The following LPA variants were observed in gnomAD, a reference collection of about 807,000 sequenced individuals.
LPA encodes lipoprotein(a), also known as apolipoprotein(a).
A neutral mutation model predicts 197.9 loss-of-function variants in LPA; 199 were observed. The observed-to-expected ratio is 1.01, with a 90% CI of 0.90 to 1.13. The LOEUF (loss-of-function observed/expected upper bound fraction) is 1.13, where lower values mean the gene tolerates loss of function less well. Ranked by LOEUF, LPA falls within the 50% of genes most tolerant of loss-of-function variation. LPA has a pLI of 0.00. For missense variants in LPA, 1,853 were observed against 1,785.8 expected (o/e 1.04, Z -0.68); for synonymous variants, 715 against 639.5 (o/e 1.12, Z -1.78).
At chr6:160,654,050 A>AATATATTATATATATTATATATAAT (rs1780078077) in intron 1 of LPA, among the ~76,000 whole-genome samples, 2 of 8,358 alleles carry the variant, frequency 2.4e-4, no homozygotes, top group East Asian at 2.9e-3. Flanking sequence ...TATAATATAT[A>AATATATTATATATATTATATATAAT]ATATATTATA....
intron 30 of LPA, 138 bp from the exon 31 acceptor site, chr6:160,548,797 A>G: frequency 1.2e-6 from 1 of 850,898 alleles, no homozygotes; most frequent in South Asian, 1.4e-5. Flanking sequence ...TACAATTGCC[A>G]CAACACAAAT....
chr6:160,555,477 A>G (rs1162409758), intron 30 of LPA, among the ~76,000 whole-genome samples: 24 of 128,784 alleles, frequency 1.9e-4, no homozygotes, highest in African/African-American at 1.7e-4. Context: ...ATATATATGT[A>G]TATATATATG....
At chr6:160,589,204 G>T (rs925794307) in intron 24 of LPA, among the ~76,000 whole-genome samples, 2 of 152,244 alleles carry the variant, frequency 1.3e-5, no homozygotes, top group Admixed American at 1.3e-4. Context: ...AGGGCTTGGA[G>T]ATTAGAATGA....
At chr6:160,540,911 C>T (rs1777971597) in intron 35 of LPA, among the ~76,000 whole-genome samples, 196 bp downstream of exon 35, 1 of 152,150 alleles carries the variant, frequency 6.6e-6, no homozygotes, top group Non-Finnish European at 1.5e-5. Flanking sequence ...CACTTCCCTC[C>T]TCTCTCATCC....
intron 28 of LPA, among the ~76,000 whole-genome samples, chr6:160,560,664 G>T (rs1396592314): frequency 6.6e-6 from 1 of 151,472 alleles, no homozygotes; most frequent in African/African-American, 2.4e-5. Context: ...ATTTGTTTAA[G>T]TTGCTTGTAC....
chr6:160,552,311 C>T (rs760949945), intron 30 of LPA, among the ~76,000 whole-genome samples: 1 of 152,112 alleles, frequency 6.6e-6, no homozygotes, highest in African/African-American at 2.4e-5. Flanking sequence ...TGCAATAGTG[C>T]TTGGGTGTGG....
chr6:160,556,769 C>T (rs1778271986), intron 29 of LPA, among the ~76,000 whole-genome samples: 1 of 152,098 alleles, frequency 6.6e-6, no homozygotes, highest in Admixed American at 6.5e-5. Flanking sequence ...TGCAACAAAG[C>T]AGAAGTCTAC....
At chr6:160,554,543 T>G (rs182882624) in intron 30 of LPA, among the ~76,000 whole-genome samples, 107 of 152,220 alleles carry the variant, frequency 7.0e-4, no homozygotes, top group Non-Finnish European at 5.9e-4. Flanking sequence ...AAGTATGACT[T>G]TTCTGGGGTC....
chr6:160,549,386 G>A (rs953725568), intron 30 of LPA, among the ~76,000 whole-genome samples: 1 of 152,172 alleles, frequency 6.6e-6, no homozygotes, highest in African/African-American at 2.4e-5. Context: ...ACCGGTATAC[G>A]GATTTTGATG....
At chr6:160,603,776 G>A (rs1002561441) in intron 18 of LPA, among the ~76,000 whole-genome samples, 2 of 152,204 alleles carry the variant, frequency 1.3e-5, no homozygotes, top group Non-Finnish European at 2.9e-5. Context: ...AATTGACTTG[G>A]AAATGATTTT....
chr6:160,557,529 T>C lies in LPA; in HGVS notation c.4674A>G (p.Lys1558=). The C allele has an allele frequency of 6.2e-7, 1 of 1,614,106 alleles. No homozygotes were observed. Among genetic ancestry groups the C allele is most frequent in the Non-Finnish European group, 8.5e-7 (1 of 1,180,016 alleles). ...GATCGGTTGTGTAACACCAGGGTTG[T>C]TTCCCAGAATCTGGATTCCTGCAGT... ...ENYCRNPDSG[K]QPWCYTTDPC... The change falls in exon 29 of 39, where the codon AAA becomes AAG. Residue 1558 remains lysine (K), a synonymous_variant. Coordinates refer to ENST00000316300, the MANE Select transcript of LPA (RefSeq NM_005577.4).
chr6:160,575,426 T>A (rs1475297329), intron 28 of LPA, among the ~76,000 whole-genome samples: 1 of 152,238 alleles, frequency 6.6e-6, no homozygotes, highest in Admixed American at 6.5e-5. Context: ...TAGTAAATTT[T>A]TAAATTTATG....
chr6:160,579,522 A>G (rs1014690156), intron 26 of LPA, among the ~76,000 whole-genome samples: 3 of 152,200 alleles, frequency 2.0e-5, no homozygotes, highest in Non-Finnish European at 4.4e-5. Flanking sequence ...GGCTAGGTAG[A>G]CTATGGGATC....
chr6:160,660,677 C>T (rs985004191), intron 1 of LPA, among the ~76,000 whole-genome samples: 5 of 152,038 alleles, frequency 3.3e-5, no homozygotes. Context: ...AATGGTCCCT[C>T]CTTTAGTTAC....
intron 24 of LPA, among the ~76,000 whole-genome samples, chr6:160,587,751 TTGTGTGTGTG>T (rs67979615): frequency 8.3e-4 from 104 of 125,464 alleles, no homozygotes; most frequent in Admixed American, 2.0e-3. Context: ...GGTTCAGTCT[TTGTGTGTGTG>T]TGTGTGTGTG....
intron 16 of LPA, among the ~76,000 whole-genome samples, chr6:160,610,743 G>A (rs181617592): frequency 1.2e-3 from 184 of 152,238 alleles, no homozygotes; most frequent in African/African-American, 4.3e-3. Flanking sequence ...GATGGCTACA[G>A]GCTGCTTGAG....
chr6:160,557,971 G>A (rs978221718), intron 28 of LPA, among the ~76,000 whole-genome samples: 1 of 151,334 alleles, frequency 6.6e-6, no homozygotes, highest in South Asian at 2.1e-4. Flanking sequence ...CCAGACTGGA[G>A]TGCAGTGGCG....
chr6:160,605,479 G>T (rs1484897325), intron 17 of LPA, among the ~76,000 whole-genome samples: 1 of 152,146 alleles, frequency 6.6e-6, no homozygotes, highest in Non-Finnish European at 1.5e-5. Flanking sequence ...AGAAAAAAAG[G>T]ACAAATGAGA....
At position 160,578,711 on chromosome 6, in the gene LPA, A is replaced by G. The variant is rs753560847; in HGVS notation, c.4290-7T>C. On this transcript the variant is annotated splice_region_variant and splice_polypyrimidine_tract_variant and intron_variant, in intron 26 of 38. Coordinates refer to ENST00000316300, the MANE Select transcript of LPA (RefSeq NM_005577.4). ...GTAGTTCCTGGTCAGGCCACTGCAA[A>G]TTTCAAAACAACACAGGTCACCAGA... The G allele has an allele frequency of 6.2e-7, 1 of 1,613,714 alleles. No individual in the cohort carries two copies. Among genetic ancestry groups the G allele is most frequent in the South Asian group, 1.1e-5 (1 of 91,072 alleles).
Sources: gnomAD v4.1 joint callset for allele counts (sites outside exome capture counted in the v4.1 genomes callset) on GRCh38, gnomAD v4.1.1 for gene constraint, MANE v1.5 for transcripts, NCBI Gene and HGNC (gene_info 2026-07-23, HGNC 2026-07-21) for gene names.